The following COPG2 variants were observed in gnomAD, a reference collection of about 807,000 sequenced individuals.
COPG2 encodes coat protein complex I subunit gamma 2.
In COPG2, 37 loss-of-function variants were observed where a neutral mutation model predicts 46.3. That is an observed-to-expected ratio of 0.80 (90% CI 0.61 to 1.05). The LOEUF is 1.05. Among genes scored for constraint, COPG2 ranks in the 50% least tolerant of loss-of-function variants. The pLI is 0.00. For synonymous variants in COPG2, 159 were observed against 129.7 expected, an observed-to-expected ratio of 1.23 and a Z score of -1.53; for missense variants, 427 against 387.8, an observed-to-expected ratio of 1.10 and a Z score of -0.85.
In COPG2 at chr7:130,582,766, A is replaced by G. The variant is rs1389929150; in HGVS notation, c.738-18373T>C. On this transcript the variant is annotated intron_variant, in intron 9 of 23. Transcript: ENST00000425248. Reference sequence around the variant, plus strand: ...GAAAAAATGCTCACCATCACTGGCCATCAGAGAAATGCAAATCAAAACCAC... The same window carrying G: ...GAAAAAATGCTCACCATCACTGGCCGTCAGAGAAATGCAAATCAAAACCAC... 4.0e-5 allele frequency among the ~76,000 whole-genome samples: 6 copies of G among 151,634 alleles called. No individual in the cohort carries two copies. In the South Asian group the frequency reaches 1.3e-3, roughly 32 times the overall value.
intron 20 of COPG2, among the ~76,000 whole-genome samples, chr7:130,545,533 A>G (rs1176362318): frequency 6.6e-6 from 1 of 152,194 alleles, no homozygotes; most frequent in Non-Finnish European, 1.5e-5. Flanking sequence ...CTGGTATTTC[A>G]CTTCTTCCAT....
At chr7:130,626,573 G>A (rs1554454329) in intron 5 of COPG2, among the ~76,000 whole-genome samples, 1 of 152,096 alleles carries the variant, frequency 6.6e-6, no homozygotes, top group East Asian at 1.9e-4. Context: ...GTCTATAAGA[G>A]AGAGCGCTCC....
At chr7:130,610,715 T>C (rs1017844503) in intron 9 of COPG2, 8 of 633,312 alleles carry the variant, frequency 1.3e-5, no homozygotes, top group African/African-American at 1.1e-4. Context: ...TGCATATATT[T>C]TTTGTTCAAT....
At chr7:130,511,775 G>A (rs368418311) in intron 20 of COPG2, 50 of 518,780 alleles carry the variant, frequency 9.6e-5, no homozygotes, top group Non-Finnish European at 1.7e-4. Context: ...CTAAATGGTC[G>A]GCTGCATGGG....
chr7:130,605,075 G>T, intron 9 of COPG2: 1 of 439,532 alleles, frequency 2.3e-6, no homozygotes, highest in Non-Finnish European at 4.4e-6. Context: ...TTTGCTTCCA[G>T]ATTCCAATTA....
At chr7:130,618,410 G>A (rs1432264832) in intron 5 of COPG2, among the ~76,000 whole-genome samples, 1 of 151,998 alleles carries the variant, frequency 6.6e-6, no homozygotes, top group African/African-American at 2.4e-5. Flanking sequence ...CTTATATACT[G>A]TCCCAAAAGT....
rs782714865 is a variant in COPG2 at position 130,605,780 on chromosome 7, C to T, written c.737+5173G>A. Reference sequence around the variant, plus strand: ...GTAAGCAACAGCACTCCACCAACATCTTCACTTTAGCCCCATGAGGCCTGT... The same window carrying T: ...GTAAGCAACAGCACTCCACCAACATTTTCACTTTAGCCCCATGAGGCCTGT... On this transcript the variant is annotated intron_variant, in intron 9 of 23. Coordinates refer to ENST00000425248, the MANE Select transcript of COPG2 (RefSeq NM_012133.6). 2.7e-5 allele frequency: 14 copies of T among 519,854 alleles called. No homozygotes were observed. The Admixed American group carries it at 2.7e-4, about 10-fold the overall frequency. 32.2% of individuals were successfully genotyped at this position (519,854 alleles called of 1,614,324 possible). A position where few individuals can be genotyped will look rare whatever the true frequency, so the allele number is the denominator to read the frequency against.
chr7:130,639,954 C>G (rs538671278), intron 5 of COPG2, among the ~76,000 whole-genome samples: 1 of 152,164 alleles, frequency 6.6e-6, no homozygotes, highest in Admixed American at 6.5e-5. Flanking sequence ...GCTTTTCCCC[C>G]ACTCTTCACC....
chr7:130,532,008 C>CGCCTTGGGG (rs1799830903), intron 20 of COPG2, among the ~76,000 whole-genome samples: 1 of 152,134 alleles, frequency 6.6e-6, no homozygotes, highest in African/African-American at 2.4e-5. Flanking sequence ...CAAAAGATGC[C>CGCCTTGGGG]TCTGATAGGC....
At chr7:130,597,025 T>C (rs1000876477) in intron 9 of COPG2, among the ~76,000 whole-genome samples, 2 of 152,198 alleles carry the variant, frequency 1.3e-5, no homozygotes, top group Non-Finnish European at 2.9e-5. Flanking sequence ...CCTTCACGGC[T>C]CTTTATCAGA....
intron 5 of COPG2, among the ~76,000 whole-genome samples, chr7:130,633,406 G>GT (rs1451325424): frequency 6.6e-6 from 1 of 151,984 alleles, no homozygotes; most frequent in East Asian, 1.9e-4. Flanking sequence ...TCCAGCATCT[G>GT]TTGTTTCCTG....
chr7:130,540,187 A>C (rs1004356444), intron 20 of COPG2, among the ~76,000 whole-genome samples: 1 of 151,932 alleles, frequency 6.6e-6, no homozygotes, highest in Non-Finnish European at 1.5e-5. Context: ...GTTGGAGGAA[A>C]CTTTCTTATT....
chr7:130,656,507 G>A (rs1412637748), intron 4 of COPG2, among the ~76,000 whole-genome samples: 1 of 152,096 alleles, frequency 6.6e-6, no homozygotes, highest in African/African-American at 2.4e-5. Context: ...GTACACTCAA[G>A]AAGACAAATA....
intron 5 of COPG2, among the ~76,000 whole-genome samples, chr7:130,619,172 G>A (rs1415150102): frequency 6.6e-6 from 1 of 152,116 alleles, no homozygotes; most frequent in Admixed American, 6.5e-5. Flanking sequence ...GATGGAAAAT[G>A]TTCCATCATT....
chr7:130,542,113 A>T (rs1793339374), intron 20 of COPG2, among the ~76,000 whole-genome samples: 1 of 129,578 alleles, frequency 7.7e-6, no homozygotes, highest in South Asian at 2.3e-4. Context: ...GCTTGTTGAG[A>T]GGATCAGGGA....
intron 20 of COPG2, among the ~76,000 whole-genome samples, chr7:130,513,774 A>G (rs1163743842): frequency 1.3e-5 from 2 of 152,206 alleles, no homozygotes; most frequent in African/African-American, 4.8e-5. Flanking sequence ...AGAAAAGACT[A>G]AATTCATGAG....
intron 17 of COPG2, 114 bp downstream of exon 17, chr7:130,550,410 T>TAAAAAA (rs1793518967): frequency 9.1e-6 from 1 of 110,476 alleles, no homozygotes; most frequent in African/African-American, 3.9e-4. Flanking sequence ...AGACTCTATC[T>TAAAAAA]CAAAAAAAAA....
At chr7:130,610,212 C>A in intron 9 of COPG2, 1 of 427,780 alleles carries the variant, frequency 2.3e-6, no homozygotes, top group Non-Finnish European at 4.5e-6. Flanking sequence ...GGTCCTTTTT[C>A]ATTTTTAGCA....
At position 130,612,221 on chromosome 7, in the gene COPG2, G is replaced by A; in HGVS notation, c.510C>T (p.Ser170=). 6.3e-7 allele frequency: 1 copy of A among 1,596,172 alleles called. No homozygotes were observed. Among genetic ancestry groups the A allele is most frequent in the Non-Finnish European group, 8.5e-7 (1 of 1,173,432 alleles). ...LVSSLHMMKI[S]YDVVKRWINE... is the part of the protein sequence containing the mutation. ...TGATCCAGCGCTTAACCACATCATA[G>A]CTTATCTTCATCATGTGCTAAATAC... Residue 170 remains serine, a synonymous_variant, in exon 8 of 24, where the codon AGC becomes AGT. Coordinates refer to ENST00000425248, the MANE Select transcript of COPG2 (RefSeq NM_012133.6).
Sources: gnomAD v4.1 joint callset for allele counts (sites outside exome capture counted in the v4.1 genomes callset) on GRCh38, gnomAD v4.1.1 for gene constraint, MANE v1.5 for transcripts, NCBI Gene and HGNC (gene_info 2026-07-23, HGNC 2026-07-21) for gene names.